Variants in CDH12 observed in about 807,000 individuals in gnomAD.
CDH12 encodes the protein cadherin-12.
Under a neutral mutation model 74.1 loss-of-function variants are expected in CDH12, and 41 were observed. The observed-to-expected ratio is 0.55, with a 90% confidence interval of 0.43 to 0.72. CDH12 has a LOEUF of 0.72. Among genes scored for constraint, CDH12 ranks in the 30% least tolerant of loss-of-function variants. CDH12 has a pLI of 0.00. For missense variants in CDH12, 945 were observed against 977.2 expected, an observed-to-expected ratio of 0.97 and a Z score of 0.44; for synonymous variants, 399 against 355.0, an observed-to-expected ratio of 1.12 and a Z score of -1.39.
chr5:22,411,533 C>A (rs12514328), intron 2 of CDH12, among the ~76,000 whole-genome samples: 3 of 151,916 alleles, frequency 2.0e-5, no homozygotes, highest in Non-Finnish European at 4.4e-5. Flanking sequence ...CAGCATAATT[C>A]GAGCTCAAAA....
chr5:22,285,073 A>G (rs1737075515), intron 3 of CDH12, among the ~76,000 whole-genome samples: 1 of 152,112 alleles, frequency 6.6e-6, no homozygotes, highest in South Asian at 2.1e-4. Context: ...GAAGTTATTT[A>G]TCTTACAAAT....
chr5:22,269,970 C>A (rs557577635), intron 3 of CDH12, among the ~76,000 whole-genome samples: 11 of 152,058 alleles, frequency 7.2e-5, no homozygotes, highest in Non-Finnish European at 1.5e-4. Flanking sequence ...TTCATTCTAC[C>A]TATTTTGATA....
At chr5:21,968,544 A>G (rs897493703) in intron 6 of CDH12, among the ~76,000 whole-genome samples, 13 of 152,242 alleles carry the variant, frequency 8.5e-5, no homozygotes, top group African/African-American at 3.1e-4. Flanking sequence ...GAGAGGCATG[A>G]ATAATTATTC....
intron 3 of CDH12, among the ~76,000 whole-genome samples, chr5:22,381,216 C>T (rs1246963188): frequency 6.6e-6 from 1 of 151,872 alleles, no homozygotes; most frequent in Non-Finnish European, 1.5e-5. Flanking sequence ...TACTTATTGA[C>T]TCTCCTCCCT....
intron 1 of CDH12, among the ~76,000 whole-genome samples, chr5:22,648,151 G>GT (rs928936853): frequency 2.0e-5 from 3 of 151,656 alleles, no homozygotes; most frequent in African/African-American, 7.2e-5. Context: ...GCTGATGCAA[G>GT]TTTTTTTTGA....
At chr5:22,432,298 G>A (rs565906274) in intron 2 of CDH12, among the ~76,000 whole-genome samples, 31 of 152,136 alleles carry the variant, frequency 2.0e-4, no homozygotes, top group East Asian at 9.7e-4. Context: ...GTGTGTAGTA[G>A]GCTATACCAG....
chr5:22,806,453 C>G (rs1029212180), intron 1 of CDH12, among the ~76,000 whole-genome samples: 4 of 150,960 alleles, frequency 2.6e-5, no homozygotes, highest in African/African-American at 7.3e-5. Context: ...CCCGGGTTCA[C>G]GCCATTCTCC....
chr5:22,531,316 T>C (rs1259174728), intron 1 of CDH12, among the ~76,000 whole-genome samples: 3 of 152,176 alleles, frequency 2.0e-5, no homozygotes, highest in East Asian at 1.9e-4. Context: ...TTAGTGTTTA[T>C]ATTTTCTTTA....
chr5:22,447,836 T>A (rs1403794298), intron 2 of CDH12, among the ~76,000 whole-genome samples: 3 of 151,808 alleles, frequency 2.0e-5, no homozygotes, highest in Non-Finnish European at 4.4e-5. Context: ...GTAAAATAAA[T>A]CTATTTTATT....
At chr5:22,178,531 T>C (rs192173567) in intron 4 of CDH12, among the ~76,000 whole-genome samples, 93 of 152,304 alleles carry the variant, frequency 6.1e-4, no homozygotes, top group Middle Eastern at 6.8e-3. Context: ...TTTTTCTGAT[T>C]GTTTCTATTA....
intron 6 of CDH12, among the ~76,000 whole-genome samples, chr5:21,925,424 T>C (rs1754542864): frequency 6.6e-6 from 1 of 152,234 alleles, no homozygotes; most frequent in Non-Finnish European, 1.5e-5. Flanking sequence ...GTGACTTGTG[T>C]CTATCCTATT....
chr5:21,962,690 T>A (rs972817130), intron 6 of CDH12, among the ~76,000 whole-genome samples: 1 of 152,144 alleles, frequency 6.6e-6, no homozygotes, highest in Non-Finnish European at 1.5e-5. Context: ...GGCTTCCAGA[T>A]CCTTTTGATC....
intron 6 of CDH12, among the ~76,000 whole-genome samples, chr5:21,914,757 A>G (rs962962142): frequency 2.6e-5 from 4 of 152,228 alleles, no homozygotes; most frequent in African/African-American, 9.6e-5. Flanking sequence ...GTCAACTGAT[A>G]ATGGATGTTA....
At chr5:22,650,720 G>C (rs1739690699) in intron 1 of CDH12, among the ~76,000 whole-genome samples, 1 of 151,970 alleles carries the variant, frequency 6.6e-6, no homozygotes, top group Non-Finnish European at 1.5e-5. Flanking sequence ...ATGATATTGG[G>C]TAATGAAGCA....
intron 3 of CDH12, among the ~76,000 whole-genome samples, chr5:22,278,475 G>A (rs1424816398): frequency 6.6e-6 from 1 of 151,962 alleles, no homozygotes; most frequent in Admixed American, 6.6e-5. Context: ...CAAATGACAA[G>A]ATACAAATCA....
intron 1 of CDH12, among the ~76,000 whole-genome samples, chr5:22,590,638 A>T (rs1234003779): frequency 2.0e-5 from 3 of 152,186 alleles, no homozygotes; most frequent in Non-Finnish European, 2.9e-5. Context: ...GATCTAATAT[A>T]CTTATTTATG....
At chr5:21,885,459 CT>C (rs1206035099) in intron 6 of CDH12, among the ~76,000 whole-genome samples, 1 of 152,120 alleles carries the variant, frequency 6.6e-6, no homozygotes, top group East Asian at 1.9e-4. Flanking sequence ...TAGCATCACC[CT>C]TTAGCTTCAA....
intron 1 of CDH12, among the ~76,000 whole-genome samples, chr5:22,650,832 G>T (rs778750876): frequency 6.6e-6 from 1 of 151,908 alleles, no homozygotes. Flanking sequence ...ACTGCAAGTG[G>T]GTTTACAAGC....
intron 9 of CDH12, among the ~76,000 whole-genome samples, chr5:21,811,741 GTA>G (rs1233771325): frequency 7.0e-6 from 1 of 143,226 alleles, no homozygotes; most frequent in East Asian, 2.0e-4. Flanking sequence ...TCTCAGAGTG[GTA>G]GGATGTGAGG....
Sources: allele counts gnomAD v4.1 joint callset (sites outside exome capture counted in the v4.1 genomes callset), GRCh38; gene constraint gnomAD v4.1.1; transcripts MANE v1.5; gene names NCBI Gene and HGNC (gene_info 2026-07-23, HGNC 2026-07-21).